The following GTPBP3 variants were observed in gnomAD, a reference collection of about 807,000 sequenced individuals.
The protein encoded by GTPBP3 is 5-taurinomethyluridine-[tRNA] synthase subunit GTPB3, mitochondrial.
A neutral mutation model predicts 42.0 loss-of-function variants in GTPBP3; 35 were observed. The observed-to-expected ratio is 0.83, with a 90% CI of 0.64 to 1.10. GTPBP3 has a LOEUF of 1.10. GTPBP3 is among the 50% of genes least tolerant of loss of function. The probability of loss-of-function intolerance (pLI) is 0.00; values close to 1 mark genes in which losing one functional copy is unlikely to be tolerated. For synonymous variants in GTPBP3, 332 were observed against 314.9 expected (o/e 1.05, Z -0.58); for missense variants, 691 against 685.2 (o/e 1.01, Z -0.09).
At chr19:17,337,433 G>A, upstream of GTPBP3, 4 of 1,211,392 alleles carry the variant, frequency 3.3e-6, no homozygotes, top group Non-Finnish European at 3.1e-6. Flanking sequence ...GCTCTCCCTT[G>A]CACCAGCCAA....
chr19:17,338,668 G>A lies in GTPBP3; in HGVS notation c.518G>A (p.Arg173Gln). 6.2e-7 allele frequency: 1 copy of A among 1,613,762 alleles called. No individual in the cohort carries two copies. Among genetic ancestry groups the A allele is most frequent in the Non-Finnish European group, 8.5e-7 (1 of 1,179,910 alleles). Residue 173 changes from arginine to glutamine, a missense_variant, in exon 4 of 9, where the codon CGG (arginine) becomes CAG (glutamine). Physicochemically the swap from Arg to Gln is conservative, Grantham distance 43. Coordinates refer to ENST00000324894, the MANE Select transcript of GTPBP3 (RefSeq NM_032620.4). The part of the protein sequence containing the change: ...DLIHAETEAQ[R>Q]RQALRQLDGE... ...ATCCACGCGGAAACAGAGGCGCAGC[G>A]GCGGCAGGCCCTCAGGCAGCTGGAC...
intron 7 of GTPBP3, 88 bp downstream of exon 7, chr19:17,339,687 A>C: frequency 7.5e-7 from 1 of 1,336,508 alleles, no homozygotes; most frequent in Non-Finnish European, 1.0e-6. Context: ...ATTCTTCCTG[A>C]ATCAGAGAAC....
chr19:17,341,349 C>T, intron 8 of GTPBP3, 27 bp downstream of exon 8: 1 of 1,569,356 alleles, frequency 6.4e-7, no homozygotes, highest in Non-Finnish European at 8.6e-7. Flanking sequence ...TCCCAGCCTC[C>T]CCTGACCCAC....
chr19:17,340,083 A>G (rs961537762), intron 7 of GTPBP3, among the ~76,000 whole-genome samples: 7 of 150,682 alleles, frequency 4.6e-5, no homozygotes, highest in Non-Finnish European at 1.0e-4. Flanking sequence ...CCCAGGCTGG[A>G]GTGTGCAGTG....
chr19:17,338,455 AGTTGCAGCGTTGGGTGAG>A lies in GTPBP3; in HGVS notation c.388+5_388+22del. 6.2e-7 allele frequency: 1 copy of A among 1,613,954 alleles called. No individual in the cohort carries two copies. The highest frequency in any genetic ancestry group is 8.5e-7 in the Non-Finnish European group (1 of 1,179,938). On this transcript the variant is annotated splice_donor_5th_base_variant and intron_variant, in intron 3 of 8. Coordinates refer to ENST00000324894, the MANE Select transcript of GTPBP3 (RefSeq NM_032620.4). Reference sequence around the variant, plus strand: ...AGCGGCGTCCTGCAGGCCTTGGGTGAGTTGCAGCGTTGGGTGAGATGCTTGGTCCTCCCAATGGGCCTG... The same window carrying A: ...AGCGGCGTCCTGCAGGCCTTGGGTGAATGCTTGGTCCTCCCAATGGGCCTG...
Position 17,339,442 on chromosome 19 carries a change from C to T in GTPBP3, c.817C>T (p.Pro273Ser). ...SSLVNLLSRK[P>S]VSIVSPEPGT... Reference sequence around the variant, plus strand: ...TTCTGACCCTCCCCCAGGTCGGAAGCCTGTGTCCATCGTGTCCCCGGAGCC... The same window carrying T: ...TTCTGACCCTCCCCCAGGTCGGAAGTCTGTGTCCATCGTGTCCCCGGAGCC... The change falls in exon 7 of 9, where the codon CCT becomes TCT. Residue 273 changes from proline to serine, a missense_variant. Physicochemically the swap from Pro to Ser is moderately conservative, Grantham distance 74. Transcript: ENST00000324894. 2 of 1,613,760 alleles carry T rather than the reference C, an allele frequency of 1.2e-6. No homozygotes were observed. Among genetic ancestry groups the T allele is most frequent in the Non-Finnish European group, 8.5e-7 (1 of 1,179,932 alleles).
chr19:17,340,474 G>A (rs988983222), intron 7 of GTPBP3, among the ~76,000 whole-genome samples: 2 of 147,610 alleles, frequency 1.4e-5, no homozygotes, highest in Non-Finnish European at 3.0e-5. Flanking sequence ...TGCCCCTTGC[G>A]GTCTATCCCA....
rs1241764362 is a variant in GTPBP3, at chr19:17,339,238, G to A, written c.780G>A (p.Ala260=). Residue 260 remains alanine, a synonymous_variant, in exon 6 of 9, where the codon GCG becomes GCA. Coordinates refer to ENST00000324894, the MANE Select transcript of GTPBP3 (RefSeq NM_032620.4). The stretch of plus-strand genomic sequence containing the variant: ...TAGTGGTCACTGGACCCCCCAATGC[G>A]GGCAAGAGCAGCCTAGTGAACCTGC... ...VHVVVTGPPN[A]GKSSLVNLLS... 6 of 1,609,944 alleles carry A rather than the reference G, an allele frequency of 3.7e-6. No individual in the cohort carries two copies. The highest frequency in any genetic ancestry group is 2.7e-5 in the African/African-American group (2 of 74,912).
chr19:17,338,008 AT>A lies in GTPBP3; in HGVS notation c.56del (p.Leu19CysfsTer21), dbSNP rs2074383800. On this transcript the variant is annotated frameshift_variant and splice_region_variant, in exon 2 of 9. Coordinates refer to ENST00000324894, the MANE Select transcript of GTPBP3 (RefSeq NM_032620.4). LOFTEE classifies it high-confidence loss of function. ...AAQAARGPRRLCTRRSSGAPA... is the reference protein window; with the variant it reads ...AAQAARGPRRXCTRRSSGAPA... Reference sequence around the variant, plus strand: ...TGATTCGCCTCCCCTCCGGTTCCAGATTGTGCACGCGCCGGAGCAGCGGCGC... The same window carrying A: ...TGATTCGCCTCCCCTCCGGTTCCAGATGTGCACGCGCCGGAGCAGCGGCGC... 1 of 1,597,230 alleles carries A rather than the reference AT, an allele frequency of 6.3e-7. No homozygotes were observed. Among genetic ancestry groups the A allele is most frequent in the East Asian group, 2.2e-5 (1 of 44,800 alleles).
At position 17,339,589 on chromosome 19, in the gene GTPBP3, G is replaced by C. The variant is rs372174278; in HGVS notation, c.964G>C (p.Ala322Pro). The C allele has an allele frequency of 9.2e-5, 147 of 1,605,234 alleles. No homozygotes were observed. Among genetic ancestry groups the C allele is most frequent in the Middle Eastern group, 1.7e-4 (1 of 6,056 alleles). Reference sequence around the variant, plus strand: ...CGTGGAGCAGGAGGGCGTGCGGCGCGCCCGGGAGAGGTGGGCGGACAGGGT... The same window carrying C: ...CGTGGAGCAGGAGGGCGTGCGGCGCCCCCGGGAGAGGTGGGCGGACAGGGT... ...GPVEQEGVRR[A>P]RERLEQADLI... is the part of the protein sequence containing the mutation. The change falls in exon 7 of 9, where the codon GCC becomes CCC. Residue 322 changes from alanine to proline, a missense_variant. Ala to Pro is a conservative substitution (Grantham distance 27, BLOSUM62 -1). Coordinates refer to ENST00000324894, the MANE Select transcript of GTPBP3 (RefSeq NM_032620.4).
chr19:17,341,416 A>C (rs139092496), intron 8 of GTPBP3, 62 bp from the exon 9 acceptor site: 8 of 1,569,780 alleles, frequency 5.1e-6, no homozygotes, highest in Non-Finnish European at 6.9e-6. Flanking sequence ...GGGTACAACC[A>C]TTTCCCCTTC....
chr19:17,337,738 G>C lies in GTPBP3; in HGVS notation c.53+74G>C, dbSNP rs1486421326. 20 of 1,391,742 alleles carry C rather than the reference G, an allele frequency of 1.4e-5. No individual in the cohort carries two copies. In the East Asian group the frequency reaches 5.5e-4, roughly 38 times the overall value. 86.2% of individuals were successfully genotyped at this position (1,391,742 alleles called of 1,614,324 possible). A position where few individuals can be genotyped will look rare whatever the true frequency, so the allele number is the denominator to read the frequency against. The stretch of plus-strand genomic sequence containing the variant: ...CCCAGACCCACTCCCTGGGTTTTAG[G>C]GGCCCAATTCCCTGCGGCAGAGCAA... On this transcript the variant is annotated intron_variant, in intron 1 of 8. Coordinates refer to ENST00000324894, the MANE Select transcript of GTPBP3 (RefSeq NM_032620.4).
chr19:17,338,234 G>GC lies in GTPBP3; in HGVS notation c.281dup (p.Leu95ThrfsTer14). The GC allele has an allele frequency of 6.3e-7, 1 of 1,585,696 alleles. No individual in the cohort carries two copies. Among genetic ancestry groups the GC allele is most frequent in the East Asian group, 2.3e-5 (1 of 43,814 alleles). ...CCGCTCCGGGGAGCCTCTGGACCGC[G>GC]CACTGGTGCTCTGGTTCCCAGGTGA... On this transcript the variant is annotated frameshift_variant, in exon 2 of 9. Coordinates refer to ENST00000324894, the MANE Select transcript of GTPBP3 (RefSeq NM_032620.4). LOFTEE classifies it high-confidence loss of function.
Position 17,339,267 on chromosome 19 carries a change from G to A in GTPBP3, c.808+1G>A, listed in dbSNP as rs1275883497. On this transcript the variant is annotated splice_donor_variant, in intron 6 of 8. Coordinates refer to ENST00000324894, the MANE Select transcript of GTPBP3 (RefSeq NM_032620.4). LOFTEE classifies it high-confidence loss of function. Reference sequence around the variant, plus strand: ...AAGAGCAGCCTAGTGAACCTGCTCAGTGAGTAGGCGGCGGGAAGGGGGCGG... The same window carrying A: ...AAGAGCAGCCTAGTGAACCTGCTCAATGAGTAGGCGGCGGGAAGGGGGCGG... The A allele has an allele frequency of 6.3e-7, 1 of 1,599,672 alleles. No homozygotes were observed. The highest frequency in any genetic ancestry group is 1.7e-5 in the Admixed American group (1 of 59,348).
In GTPBP3 at chr19:17,338,175, C is replaced by G; in HGVS notation, c.221C>G (p.Ala74Gly). 6.3e-7 allele frequency: 1 copy of G among 1,591,706 alleles called. No homozygotes were observed. The highest frequency in any genetic ancestry group is 2.3e-5 in the East Asian group (1 of 44,304). The change falls in exon 2 of 9, where the codon GCT becomes GGT. Residue 74 changes from alanine (A) to glycine (G), a missense_variant. Transcript: ENST00000324894. ...ILTAPRDLPL[A>G]RHASLRLLSD... ...ACAGCACCCCGAGACCTGCCCCTTGCTCGCCACGCCAGCCTGCGCCTGCTC... is the reference window on the plus strand; with the variant it reads ...ACAGCACCCCGAGACCTGCCCCTTGGTCGCCACGCCAGCCTGCGCCTGCTC...
rs1226261116 is a variant in GTPBP3 at position 17,341,830 on chromosome 19, A to T, written c.*127A>T. The T allele has an allele frequency of 2.0e-5, 16 of 818,670 alleles. No individual in the cohort carries two copies. The Admixed American group carries it at 2.4e-4, about 12-fold the overall frequency. The allele number at this position is 818,670 out of a possible 1,614,324, so 50.7% of individuals were successfully genotyped here. On this transcript the variant is annotated 3_prime_UTR_variant, in exon 9 of 9. Transcript: ENST00000324894. ...GAACTTGATTCTCAAATAGTGAAGC[A>T]ACACAGCTGAGAGGTAGTGAGATCC...
upstream of GTPBP3, chr19:17,335,006 G>C (rs1472282197): frequency 4.0e-5 from 62 of 1,535,890 alleles, no homozygotes; most frequent in Non-Finnish European, 1.0e-5. Flanking sequence ...CCGCACTGAT[G>C]GTGCATTCTC....
At chr19:17,338,342 C>T (rs777768396) in intron 2 of GTPBP3, 23 bp from the exon 3 acceptor site, 2 of 1,613,152 alleles carry the variant, frequency 1.2e-6, no homozygotes, top group African/African-American at 1.3e-5. Flanking sequence ...TGCTGTCCTC[C>T]TGTCACCTGT....
Position 17,341,242 on chromosome 19 carries a change from C to T in GTPBP3, c.1173C>T (p.Pro391=), listed in dbSNP as rs2074428602. ...PEGPGPGPDL[P]PHLLLSCLTG... ...GCCCAGGTCCCGGTCCTGACCTGCC[C>T]CCGCACCTGCTGCTGTCCTGTCTGA... Residue 391 remains proline, a synonymous_variant, in exon 8 of 9, where the codon CCC becomes CCT. Transcript: ENST00000324894. 9 of 1,607,054 alleles carry T rather than the reference C, an allele frequency of 5.6e-6. No homozygotes were observed. The highest frequency in any genetic ancestry group is 1.3e-5 in the African/African-American group (1 of 75,058).
Sources: allele counts gnomAD v4.1 joint callset (sites outside exome capture counted in the v4.1 genomes callset), GRCh38; gene constraint gnomAD v4.1.1; transcripts MANE v1.5; gene names NCBI Gene and HGNC (gene_info 2026-07-23, HGNC 2026-07-21).